TENM4: variants seen among roughly 807,000 people sequenced by gnomAD.
TENM4 encodes teneurin transmembrane protein 4, also known as teneurin-4.
In TENM4, 82 loss-of-function variants were observed where a neutral mutation model predicts 243.3. That is an observed-to-expected ratio of 0.34 (90% CI 0.28 to 0.40). TENM4 has a LOEUF of 0.40. TENM4 is among the 10% of genes least tolerant of loss of function. TENM4 has a pLI of 1.00. For synonymous variants in TENM4, 1,412 were observed against 1,456.3 expected (o/e 0.97, Z 0.69); for missense variants, 3,138 against 3,673.3 (o/e 0.85, Z 3.77).
chr11:78,776,714 C>G (rs1856747189), intron 17 of TENM4, among the ~76,000 whole-genome samples: 1 of 152,148 alleles, frequency 6.6e-6, no homozygotes, highest in Non-Finnish European at 1.5e-5. Context: ...CCTTTTAAAA[C>G]AAGTTATGAT....
At chr11:79,378,077 C>A (rs1332607014) in intron 1 of TENM4, among the ~76,000 whole-genome samples, 1 of 152,130 alleles carries the variant, frequency 6.6e-6, no homozygotes, top group Non-Finnish European at 1.5e-5. Context: ...ACCCACTGGT[C>A]TAAAATTTTT....
intron 2 of TENM4, among the ~76,000 whole-genome samples, chr11:79,272,682 T>C (rs1468572611): frequency 6.6e-6 from 1 of 152,064 alleles, no homozygotes; most frequent in Non-Finnish European, 1.5e-5. Flanking sequence ...TTCTTCCCTC[T>C]GCTTGGGGCA....
At position 78,667,841 on chromosome 11, in the gene TENM4, A is replaced by T. The variant is rs567839209; in HGVS notation, c.7408+1096T>A. 2.6e-5 allele frequency among the ~76,000 whole-genome samples: 4 copies of T among 152,286 alleles called. No homozygotes were observed. In the East Asian group the frequency reaches 7.7e-4, roughly 29 times the overall value. On this transcript the variant is annotated intron_variant, in intron 32 of 33. Coordinates refer to ENST00000278550, the MANE Select transcript of TENM4 (RefSeq NM_001098816.3). Reference sequence around the variant, plus strand: ...GGCTTTGCAAGGTGGGATGTGCCCAATTTTTGCCTATCACAAACTCTCTTA... The same window carrying T: ...GGCTTTGCAAGGTGGGATGTGCCCATTTTTTGCCTATCACAAACTCTCTTA...
At chr11:78,933,060 C>T (rs1228170417) in intron 6 of TENM4, among the ~76,000 whole-genome samples, 3 of 152,104 alleles carry the variant, frequency 2.0e-5, no homozygotes, top group Non-Finnish European at 2.9e-5. Context: ...GAGCAGGACC[C>T]GAACTCCGCT....
chr11:78,991,519 T>C (rs531871470), intron 6 of TENM4, among the ~76,000 whole-genome samples: 95 of 152,348 alleles, frequency 6.2e-4, no homozygotes, highest in Non-Finnish European at 1.2e-3. Flanking sequence ...CCACAGTTAA[T>C]AGGGTGGTAT....
At chr11:79,109,730 T>C (rs1333647193) in intron 4 of TENM4, among the ~76,000 whole-genome samples, 2 of 152,186 alleles carry the variant, frequency 1.3e-5, no homozygotes, top group Non-Finnish European at 2.9e-5. Flanking sequence ...TCACAGACAC[T>C]CAGATATCTT....
chr11:78,887,177 C>T (rs1404048730), intron 9 of TENM4, among the ~76,000 whole-genome samples: 1 of 152,212 alleles, frequency 6.6e-6, no homozygotes, highest in Non-Finnish European at 1.5e-5. Flanking sequence ...ACGGTGCACC[C>T]CACACTCCTC....
chr11:79,028,619 C>T (rs575305087), intron 6 of TENM4, among the ~76,000 whole-genome samples: 1 of 152,334 alleles, frequency 6.6e-6, no homozygotes, highest in Non-Finnish European at 1.5e-5. Context: ...AGGGATGGGT[C>T]TTAACCTTGG....
At chr11:79,143,716 T>C (rs943392455) in intron 4 of TENM4, among the ~76,000 whole-genome samples, 4 of 151,144 alleles carry the variant, frequency 2.6e-5, no homozygotes, top group Admixed American at 1.3e-4. Flanking sequence ...AATAAATAAA[T>C]AAATGGTGCT....
intron 6 of TENM4, among the ~76,000 whole-genome samples, chr11:78,916,801 A>G (rs1245797847): frequency 2.0e-5 from 3 of 152,144 alleles, no homozygotes; most frequent in Admixed American, 6.5e-5. Flanking sequence ...AGGCCCTAGC[A>G]TTGGGGTCAA....
chr11:78,826,212 C>A (rs1857846397), intron 12 of TENM4, among the ~76,000 whole-genome samples: 1 of 151,646 alleles, frequency 6.6e-6, no homozygotes, highest in South Asian at 2.1e-4. Flanking sequence ...CTCAGCCTCC[C>A]AAGTAGCTGG....
intron 1 of TENM4, among the ~76,000 whole-genome samples, chr11:79,367,625 A>G (rs11237805): frequency 0.16 from 24,919 of 152,206 alleles, 2,141 homozygotes; most frequent in African/African-American, 0.19. Flanking sequence ...TGTCTTGGCA[A>G]TATGAAGGAG....
chr11:78,803,901 C>G (rs982841765), intron 15 of TENM4, among the ~76,000 whole-genome samples: 7 of 152,240 alleles, frequency 4.6e-5, no homozygotes, highest in Non-Finnish European at 1.0e-4. Flanking sequence ...TCTGTGCTTA[C>G]AATCATGCCT....
intron 4 of TENM4, among the ~76,000 whole-genome samples, chr11:79,138,883 A>G (rs1341691500): frequency 8.5e-6 from 1 of 117,500 alleles, no homozygotes; most frequent in Non-Finnish European, 1.6e-5. Flanking sequence ...TTATATAAAT[A>G]TATAAAATAT....
intron 15 of TENM4, among the ~76,000 whole-genome samples, chr11:78,790,177 G>A (rs1463320563): frequency 2.6e-5 from 4 of 152,116 alleles, no homozygotes; most frequent in Non-Finnish European, 5.9e-5. Flanking sequence ...ACTAATATTG[G>A]CATTCAAAAG....
intron 27 of TENM4, among the ~76,000 whole-genome samples, chr11:78,704,180 T>TAC (rs1401477746): frequency 4.2e-5 from 6 of 143,458 alleles, no homozygotes; most frequent in Non-Finnish European, 7.6e-5. Context: ...TATATATATA[T>TAC]ATATATATAT....
chr11:79,340,943 G>C (rs1857231667), intron 1 of TENM4, among the ~76,000 whole-genome samples: 1 of 152,188 alleles, frequency 6.6e-6, no homozygotes, highest in Admixed American at 6.5e-5. Flanking sequence ...TCTTGAGATG[G>C]GGAGGTTATC....
At chr11:78,887,484 T>G (rs975944991) in intron 9 of TENM4, among the ~76,000 whole-genome samples, 2 of 152,260 alleles carry the variant, frequency 1.3e-5, no homozygotes, top group Non-Finnish European at 2.9e-5. Flanking sequence ...ACTATATATT[T>G]AACCCTGGCA....
intron 6 of TENM4, among the ~76,000 whole-genome samples, chr11:78,938,360 A>G (rs1328200844): frequency 6.6e-6 from 1 of 152,190 alleles, no homozygotes; most frequent in African/African-American, 2.4e-5. Flanking sequence ...TCTCAGTGAT[A>G]ACATCCAGCC....
Sources: gnomAD v4.1 joint callset for allele counts (sites outside exome capture counted in the v4.1 genomes callset) on GRCh38, gnomAD v4.1.1 for gene constraint, MANE v1.5 for transcripts, NCBI Gene and HGNC (gene_info 2026-07-23, HGNC 2026-07-21) for gene names.